DAAM2: variants seen among roughly 807,000 people sequenced by gnomAD.
DAAM2 encodes dishevelled associated activator of morphogenesis 2, also known as disheveled-associated activator of morphogenesis 2.
Under a neutral mutation model 120.7 loss-of-function variants are expected in DAAM2, and 39 were observed. The observed-to-expected ratio is 0.32, with a 90% confidence interval of 0.25 to 0.42. The LOEUF (loss-of-function observed/expected upper bound fraction) is 0.42. Ranked by LOEUF, DAAM2 falls within the 10% of genes least tolerant of loss-of-function variation. DAAM2 has a pLI of 1.00. For synonymous variants in DAAM2, 488 were observed against 524.9 expected (o/e 0.93, Z 0.96); for missense variants, 1,283 against 1,401.7 (o/e 0.92, Z 1.35).
chr6:39,843,744 G>A (rs1157069263), intron 1 of DAAM2, among the ~76,000 whole-genome samples: 1 of 152,238 alleles, frequency 6.6e-6, no homozygotes, highest in Non-Finnish European at 1.5e-5. Context: ...TAAGTGTGTG[G>A]TGAGACGATG....
At position 39,828,221 on chromosome 6, in the gene DAAM2, C is replaced by A. The variant is rs185746536; in HGVS notation, c.-56-28026C>A. Among the ~76,000 whole-genome samples the A allele has an allele frequency of 1.5e-3, 230 of 152,282 alleles. 2 individuals are homozygous for A. Among genetic ancestry groups the A allele is most frequent in the Admixed American group, 0.011 (174 of 15,296 alleles). On this transcript the variant is annotated intron_variant, in intron 1 of 24. Transcript: ENST00000274867. ...TTCCACACACTGGGTAATTTATAAA[C>A]CAAAACAACATTTCTCATGGTTCTG... is the stretch of plus-strand genomic sequence containing the variant.
At chr6:39,859,814 T>C (rs1310017242) in intron 2 of DAAM2, among the ~76,000 whole-genome samples, 1 of 152,224 alleles carries the variant, frequency 6.6e-6, no homozygotes, top group Non-Finnish European at 1.5e-5. Context: ...TATTAGGCAG[T>C]TCTGATCTAG....
intron 1 of DAAM2, among the ~76,000 whole-genome samples, chr6:39,806,647 C>A (rs1762016863): frequency 6.6e-6 from 1 of 152,116 alleles, no homozygotes; most frequent in East Asian, 1.9e-4. Flanking sequence ...ACCCTTCTTT[C>A]CTCTGCAAGT....
intron 1 of DAAM2, among the ~76,000 whole-genome samples, chr6:39,850,482 G>T (rs1763767642): frequency 6.6e-6 from 1 of 152,124 alleles, no homozygotes; most frequent in African/African-American, 2.4e-5. Flanking sequence ...AGACTTTTAG[G>T]AAAGGGATCA....
At chr6:39,835,858 C>A (rs1222489501) in intron 1 of DAAM2, among the ~76,000 whole-genome samples, 1 of 152,102 alleles carries the variant, frequency 6.6e-6, no homozygotes, top group African/African-American at 2.4e-5. Context: ...GGGTGGGGAA[C>A]TGAGGGAAGT....
chr6:39,864,390 C>T (rs1333827546), intron 3 of DAAM2, 43 bp from the exon 4 acceptor site: 1 of 1,513,688 alleles, frequency 6.6e-7, no homozygotes, highest in African/African-American at 1.4e-5. Context: ...GGCCACGGGC[C>T]TGTCTTGCCT....
intron 1 of DAAM2, among the ~76,000 whole-genome samples, chr6:39,847,862 G>A (rs375099137): frequency 1.3e-5 from 2 of 152,036 alleles, no homozygotes; most frequent in African/African-American, 4.8e-5. Context: ...TCTACCATAA[G>A]TCAAGGAACT....
At chr6:39,819,175 A>T (rs944505319) in intron 1 of DAAM2, 1 of 152,212 alleles carries the variant, frequency 6.6e-6, no homozygotes, top group East Asian at 1.9e-4. Context: ...CATCATCTCT[A>T]TGCCCACTGG....
At chr6:39,855,029 C>T (rs558020867) in intron 1 of DAAM2, among the ~76,000 whole-genome samples, 47 of 152,308 alleles carry the variant, frequency 3.1e-4, no homozygotes, top group African/African-American at 1.1e-3. Flanking sequence ...AGCTAAGAAT[C>T]AGAATTCTAA....
intron 15 of DAAM2, 86 bp from the exon 16 acceptor site, chr6:39,887,400 T>G: frequency 2.3e-5 from 19 of 828,798 alleles, no homozygotes; most frequent in Admixed American, 4.2e-5. Flanking sequence ...CATTCCTGGA[T>G]TGGTAGGAGG....
rs1205546493 is a variant in DAAM2, at chr6:39,792,433, C to T, written c.-89C>T. ...GCGGGCGGCGGCGCCGTACCTCGGGCTGCGGGAGCGCGGGCGCCCTGGGGT... is the reference window on the plus strand; with the variant it reads ...GCGGGCGGCGGCGCCGTACCTCGGGTTGCGGGAGCGCGGGCGCCCTGGGGT... On this transcript the variant is annotated 5_prime_UTR_variant, in exon 1 of 25. Coordinates refer to ENST00000274867, the MANE Select transcript of DAAM2 (RefSeq NM_001201427.2). 1 of 152,156 alleles carries T rather than the reference C, an allele frequency of 6.6e-6. No individual in the cohort carries two copies. The highest frequency in any genetic ancestry group is 1.5e-5 in the Non-Finnish European group (1 of 68,050). The allele number at this position is 152,156 out of a possible 1,614,324, so 9.4% of individuals were successfully genotyped here. A position where few individuals can be genotyped will look rare whatever the true frequency, so the allele number is the denominator to read the frequency against.
intron 1 of DAAM2, chr6:39,821,816 T>A (rs1459955534): frequency 6.6e-6 from 1 of 152,278 alleles, no homozygotes; most frequent in Admixed American, 6.5e-5. Flanking sequence ...TTTGTGAAGA[T>A]GCCAGAGACC....
chr6:39,828,167 TA>T (rs1762745576), intron 1 of DAAM2, among the ~76,000 whole-genome samples: 1 of 152,222 alleles, frequency 6.6e-6, no homozygotes, highest in Admixed American at 6.5e-5. Context: ...TTTGCATTTC[TA>T]GTATGTCTTA....
chr6:39,847,732 CCAGA>C (rs1212699569), intron 1 of DAAM2, among the ~76,000 whole-genome samples: 3 of 152,090 alleles, frequency 2.0e-5, no homozygotes, highest in Non-Finnish European at 2.9e-5. Flanking sequence ...TCCCTTCTAC[CCAGA>C]CACACAGACT....
At chr6:39,875,832 T>C (rs1764847406) in intron 11 of DAAM2, among the ~76,000 whole-genome samples, 1 of 152,198 alleles carries the variant, frequency 6.6e-6, no homozygotes, top group Non-Finnish European at 1.5e-5. Context: ...ATCCACTGCA[T>C]GGCTTGGATA....
chr6:39,888,620 T>C (rs1765513637), intron 16 of DAAM2, 59 bp from the exon 17 acceptor site: 1 of 1,473,918 alleles, frequency 6.8e-7, no homozygotes, highest in African/African-American at 1.4e-5. Context: ...GCGGAGGTGG[T>C]ACCTTTTGGA....
At chr6:39,829,837 C>T (rs549378575) in intron 1 of DAAM2, among the ~76,000 whole-genome samples, 1 of 152,288 alleles carries the variant, frequency 6.6e-6, no homozygotes, top group Admixed American at 6.5e-5. Context: ...CAGAGCCGTT[C>T]TGAGCCGGCC....
At chr6:39,883,725 T>G in intron 14 of DAAM2, 2 of 467,080 alleles carry the variant, frequency 4.3e-6, no homozygotes, top group Non-Finnish European at 7.7e-6. Flanking sequence ...TAGAACATGT[T>G]TACATGTGGC....
chr6:39,904,482 T>G lies in DAAM2; in HGVS notation c.*2445T>G. 1 of 454,480 alleles carries G rather than the reference T, an allele frequency of 2.2e-6. No homozygotes were observed. The highest frequency in any genetic ancestry group is 4.4e-6 in the Non-Finnish European group (1 of 226,960). 28.2% of individuals were successfully genotyped at this position (454,480 alleles called of 1,614,324 possible). A position where few individuals can be genotyped will look rare whatever the true frequency, so the allele number is the denominator to read the frequency against. On this transcript the variant is annotated 3_prime_UTR_variant, in exon 25 of 25. Transcript: ENST00000274867. Reference sequence around the variant, plus strand: ...GCCCTCCCCACTGCTCCTGCCACCTTTAGATAAGTTTCTCTAGCTAATTTT... The same window carrying G: ...GCCCTCCCCACTGCTCCTGCCACCTGTAGATAAGTTTCTCTAGCTAATTTT...
Sources: allele counts gnomAD v4.1 joint callset (sites outside exome capture counted in the v4.1 genomes callset), GRCh38; gene constraint gnomAD v4.1.1; transcripts MANE v1.5; gene names NCBI Gene and HGNC (gene_info 2026-07-23, HGNC 2026-07-21).